PPFIA2: variants seen among roughly 807,000 people sequenced by gnomAD.
PPFIA2 encodes the protein liprin-alpha-2.
A neutral mutation model predicts 175.5 loss-of-function variants in PPFIA2; 46 were observed. The ratio of observed to expected loss-of-function variants is 0.26; its 90% CI spans 0.21 to 0.34. The LOEUF is 0.34. Among genes scored for constraint, PPFIA2 ranks in the 10% least tolerant of loss-of-function variants. The probability of loss-of-function intolerance (pLI) is 1.00; values close to 1 mark genes in which losing one functional copy is unlikely to be tolerated. For missense variants in PPFIA2, 1,179 were observed against 1,506.1 expected (o/e 0.78, Z 3.60); for synonymous variants, 568 against 511.4 (o/e 1.11, Z -1.49).
rs114765567 is a variant in PPFIA2, at chr12:81,563,833, A to G, written c.304-105967T>C. ...TTACAGATGCTAAGTTATAAAGCTG[A>G]GAATCATATGGTCCCAGCATTTGTG... On this transcript the variant is annotated intron_variant, in intron 4 of 32. Transcript: ENST00000549396. Among the ~76,000 whole-genome samples the G allele has an allele frequency of 1.0e-3, 154 of 152,338 alleles. 2 individuals are homozygous for G. The highest frequency in any genetic ancestry group is 3.6e-3 in the African/African-American group (149 of 41,574).
At chr12:81,722,931 G>T (rs966587420) in intron 3 of PPFIA2, among the ~76,000 whole-genome samples, 2 of 150,976 alleles carry the variant, frequency 1.3e-5, no homozygotes, top group African/African-American at 4.8e-5. Context: ...AAGTATAAAA[G>T]ATATTAATTA....
chr12:81,741,623 A>T (rs1432398155), intron 3 of PPFIA2, among the ~76,000 whole-genome samples: 2 of 94,874 alleles, frequency 2.1e-5, no homozygotes, highest in Non-Finnish European at 4.1e-5. Context: ...ACATTATGAG[A>T]TTTTTTTGGT....
chr12:81,661,847 G>A lies in PPFIA2; in HGVS notation c.303+14944C>T, dbSNP rs930702827. 2.0e-5 allele frequency among the ~76,000 whole-genome samples: 3 copies of A among 152,198 alleles called. No individual in the cohort carries two copies. In the South Asian group the frequency reaches 6.2e-4, roughly 32 times the overall value. The stretch of plus-strand genomic sequence containing the variant: ...AAAAGAACAGAAATTATAACAAACT[G>A]TCTCTCAGACCACAGTGCAATCAAA... On this transcript the variant is annotated intron_variant, in intron 4 of 32. Transcript: ENST00000549396.
At chr12:81,284,385 T>A in intron 24 of PPFIA2, 82 bp from the exon 25 acceptor site, 2 of 1,006,624 alleles carry the variant, frequency 2.0e-6, no homozygotes. Flanking sequence ...CCTCTGTGAG[T>A]TAACAGCAAC....
intron 3 of PPFIA2, among the ~76,000 whole-genome samples, chr12:81,739,556 C>T (rs2082077296): frequency 1.3e-5 from 2 of 151,814 alleles, no homozygotes; most frequent in Non-Finnish European, 2.9e-5. Context: ...TCAGGGAAAA[C>T]TTTCAATTCA....
At chr12:81,526,933 T>A (rs2063797875) in intron 4 of PPFIA2, among the ~76,000 whole-genome samples, 1 of 151,858 alleles carries the variant, frequency 6.6e-6, no homozygotes, top group Admixed American at 6.6e-5. Context: ...AAAGTTAAAA[T>A]ACAGAATTAT....
chr12:81,526,235 T>C (rs1325574840), intron 4 of PPFIA2, among the ~76,000 whole-genome samples: 1 of 152,180 alleles, frequency 6.6e-6, no homozygotes, highest in African/African-American at 2.4e-5. Flanking sequence ...AGTGAACCTC[T>C]TACTTGGAAT....
intron 24 of PPFIA2, among the ~76,000 whole-genome samples, chr12:81,288,903 G>C (rs2044163411): frequency 6.6e-6 from 1 of 151,538 alleles, no homozygotes; most frequent in Non-Finnish European, 1.5e-5. Flanking sequence ...ATAAAGGTTG[G>C]GGCTTATGAG....
At chr12:81,695,386 C>A (rs2075781913) in intron 3 of PPFIA2, among the ~76,000 whole-genome samples, 2 of 152,104 alleles carry the variant, frequency 1.3e-5, no homozygotes, top group South Asian at 4.1e-4. Context: ...CTTGCGAGAT[C>A]TGGTCATTTA....
intron 4 of PPFIA2, among the ~76,000 whole-genome samples, chr12:81,475,179 G>C (rs886624111): frequency 3.3e-5 from 5 of 152,150 alleles, no homozygotes; most frequent in African/African-American, 1.2e-4. Flanking sequence ...GTGAGAACCA[G>C]AACTAAAACT....
At chr12:81,725,111 C>T (rs1031746018) in intron 3 of PPFIA2, among the ~76,000 whole-genome samples, 1 of 150,718 alleles carries the variant, frequency 6.6e-6, no homozygotes, top group African/African-American at 2.4e-5. Flanking sequence ...ACACATGTTG[C>T]AAATTGCCTA....
chr12:81,539,135 A>G (rs2065844030), intron 4 of PPFIA2, among the ~76,000 whole-genome samples: 1 of 151,920 alleles, frequency 6.6e-6, no homozygotes, highest in East Asian at 1.9e-4. Flanking sequence ...ATCAGTTAAG[A>G]TGGGGAAGAC....
At chr12:81,274,914 A>C (rs920895877) in intron 28 of PPFIA2, among the ~76,000 whole-genome samples, 7 of 152,194 alleles carry the variant, frequency 4.6e-5, no homozygotes, top group Admixed American at 3.3e-4. Flanking sequence ...GCTACACTCT[A>C]ATCAGCAATT....
intron 4 of PPFIA2, among the ~76,000 whole-genome samples, chr12:81,538,643 A>G (rs2065759254): frequency 6.6e-6 from 1 of 151,852 alleles, no homozygotes; most frequent in Non-Finnish European, 1.5e-5. Context: ...TCAGGAGTAA[A>G]AGTATTTTAT....
chr12:81,607,797 T>C (rs1235128138), intron 4 of PPFIA2, among the ~76,000 whole-genome samples: 2 of 152,114 alleles, frequency 1.3e-5, no homozygotes, highest in Non-Finnish European at 2.9e-5. Flanking sequence ...CTTTCTCTTA[T>C]TTGAATGCTC....
chr12:81,413,544 G>C (rs1408480862), intron 7 of PPFIA2, among the ~76,000 whole-genome samples: 1 of 151,912 alleles, frequency 6.6e-6, no homozygotes, highest in Non-Finnish European at 1.5e-5. Flanking sequence ...ATAAGCAACT[G>C]TAAAGGAGGC....
At chr12:81,268,783 G>C (rs1387007650) in intron 28 of PPFIA2, among the ~76,000 whole-genome samples, 2 of 152,154 alleles carry the variant, frequency 1.3e-5, no homozygotes, top group African/African-American at 4.8e-5. Context: ...GTAAACAGCA[G>C]ACGAGATTGT....
intron 19 of PPFIA2, among the ~76,000 whole-genome samples, chr12:81,342,685 G>A (rs946551877): frequency 2.0e-5 from 3 of 152,024 alleles, no homozygotes; most frequent in Non-Finnish European, 2.9e-5. Flanking sequence ...TCTTAAGCGT[G>A]TTTCTGAACT....
chr12:81,368,119 G>A (rs1273487787), intron 13 of PPFIA2: 2 of 1,287,944 alleles, frequency 1.6e-6, no homozygotes, highest in Non-Finnish European at 2.0e-6. Flanking sequence ...TTATGCTCTG[G>A]AATTGGTAAC....
Sources: allele counts gnomAD v4.1 joint callset (sites outside exome capture counted in the v4.1 genomes callset), GRCh38; gene constraint gnomAD v4.1.1; transcripts MANE v1.5; gene names NCBI Gene and HGNC (gene_info 2026-07-23, HGNC 2026-07-21).